Variants in DIAPH2 observed in about 807,000 individuals in gnomAD.
DIAPH2 encodes protein diaphanous homolog 2.
DIAPH2 carries 35 observed loss-of-function variants against 92.7 expected under a neutral mutation model. That is an observed-to-expected ratio of 0.38 (90% CI 0.29 to 0.50). The LOEUF (loss-of-function observed/expected upper bound fraction) is 0.50. Among genes scored for constraint, DIAPH2 ranks in the 20% least tolerant of loss-of-function variants. DIAPH2 has a pLI of 0.94. For synonymous variants in DIAPH2, 301 were observed against 280.4 expected (o/e 1.07, Z -0.73); for missense variants, 701 against 819.5 (o/e 0.86, Z 1.77).
intron 25 of DIAPH2, among the ~76,000 whole-genome samples, chrX:97,391,554 G>C (rs1451498729): frequency 3.6e-5 from 4 of 111,335 alleles, no homozygotes; most frequent in Non-Finnish European, 7.5e-5. Flanking sequence ...AAAGTAGAGA[G>C]TTCCCTGGAT....
chrX:96,749,145 A>ATAT (rs1556122921), intron 3 of DIAPH2, among the ~76,000 whole-genome samples: 2 of 79,825 alleles, frequency 2.5e-5, no homozygotes, highest in African/African-American at 1.0e-4. Flanking sequence ...AAAAAAAAAA[A>ATAT]ATATATATAT....
At chrX:97,481,145 G>T (rs1362812614) in intron 26 of DIAPH2, among the ~76,000 whole-genome samples, 1 of 111,481 alleles carries the variant, frequency 9.0e-6, no homozygotes, top group East Asian at 2.8e-4. Flanking sequence ...TAGTTCTGTT[G>T]ACACTTAGCA....
Position 97,590,099 on chromosome X carries a change from G to A in DIAPH2, c.3242-9154G>A, listed in dbSNP as rs763577014. Among the ~76,000 whole-genome samples the A allele has an allele frequency of 2.7e-5, 3 of 112,328 alleles. No individual in the cohort carries two copies. The East Asian group carries it at 8.3e-4, about 31-fold the overall frequency. On this transcript the variant is annotated intron_variant, in intron 26 of 26. Coordinates refer to ENST00000324765, the MANE Select transcript of DIAPH2 (RefSeq NM_006729.5). ...TGCTAATGGGAAGCACCTGTTTATA[G>A]ACTCTTGCATTGTAAGCTGTAGGTT...
intron 22 of DIAPH2, among the ~76,000 whole-genome samples, chrX:97,159,425 C>CT (rs1237717678): frequency 8.9e-6 from 1 of 112,259 alleles, no homozygotes. Flanking sequence ...TTAAAGAAAA[C>CT]TTTTTTTCAA....
At chrX:96,855,970 C>A (rs2065037104) in intron 4 of DIAPH2, among the ~76,000 whole-genome samples, 2 of 111,632 alleles carry the variant, frequency 1.8e-5, no homozygotes, top group Admixed American at 1.9e-4. Context: ...AGCTGTGTGG[C>A]ACACATTGAT....
intron 23 of DIAPH2, among the ~76,000 whole-genome samples, chrX:97,250,958 A>C (rs1602450522): frequency 9.0e-6 from 1 of 111,598 alleles, no homozygotes; most frequent in Non-Finnish European, 1.9e-5. Context: ...AAACAAAAAC[A>C]AAAAAACCTC....
intron 2 of DIAPH2, among the ~76,000 whole-genome samples, chrX:96,737,091 A>C (rs1423799380): frequency 1.8e-5 from 2 of 112,158 alleles, no homozygotes; most frequent in Non-Finnish European, 3.8e-5. Flanking sequence ...AATGAATCTT[A>C]AGTTAATGTG....
chrX:96,926,401 T>G (rs2065582129), intron 9 of DIAPH2, among the ~76,000 whole-genome samples: 1 of 111,756 alleles, frequency 8.9e-6, no homozygotes, highest in African/African-American at 3.2e-5. Flanking sequence ...TTTAATTATT[T>G]TATTTGGGAC....
chrX:97,088,081 TAAG>T (rs1420861184), intron 19 of DIAPH2, among the ~76,000 whole-genome samples: 7 of 112,043 alleles, frequency 6.2e-5, no homozygotes, highest in Non-Finnish European at 9.4e-5. Flanking sequence ...TTTTCATTCT[TAAG>T]AAGTGATTGC....
rs764148141 is a variant in DIAPH2 at position 97,470,174 on chromosome X, T to C, written c.3241+40429T>C. Among the ~76,000 whole-genome samples the C allele has an allele frequency of 9.0e-5, 10 of 111,328 alleles. No homozygotes were observed. The South Asian group carries it at 3.4e-3, about 38-fold the overall frequency. On this transcript the variant is annotated intron_variant, in intron 26 of 26. Coordinates refer to ENST00000324765, the MANE Select transcript of DIAPH2 (RefSeq NM_006729.5). ...ACAAAAGCCACTAGGGTAGCCATGG[T>C]TTTTTGCCAGTTATTAGCCATATAT...
At chrX:97,387,905 A>G (rs2147736353) in intron 25 of DIAPH2, among the ~76,000 whole-genome samples, 1 of 111,991 alleles carries the variant, frequency 8.9e-6, no homozygotes, top group South Asian at 3.8e-4. Flanking sequence ...CATTTTAAAC[A>G]TGTTTAGTTC....
chrX:97,117,963 GT>G (rs890039770), intron 21 of DIAPH2, among the ~76,000 whole-genome samples: 4 of 105,213 alleles, frequency 3.8e-5, no homozygotes, highest in African/African-American at 1.0e-4. Flanking sequence ...TTTGTTTGTT[GT>G]TTTTTTTTTC....
intron 22 of DIAPH2, among the ~76,000 whole-genome samples, chrX:97,173,180 C>G (rs1210779851): frequency 9.0e-6 from 1 of 111,115 alleles, no homozygotes; most frequent in African/African-American, 3.3e-5. Context: ...GTGGGCGGAT[C>G]ATTTGAGTTC....
intron 26 of DIAPH2, among the ~76,000 whole-genome samples, chrX:97,537,389 G>A (rs2147854399): frequency 8.9e-6 from 1 of 111,912 alleles, no homozygotes; most frequent in South Asian, 3.8e-4. Flanking sequence ...TGATAGACGG[G>A]AAGAGACAGA....
chrX:96,854,608 TA>T (rs1306625068), intron 4 of DIAPH2, among the ~76,000 whole-genome samples: 5 of 60,622 alleles, frequency 8.2e-5, no homozygotes, highest in African/African-American at 3.5e-4. Flanking sequence ...CATATATATA[TA>T]TATATATATA....
intron 25 of DIAPH2, among the ~76,000 whole-genome samples, chrX:97,392,538 G>A (rs947135941): frequency 9.0e-6 from 1 of 111,721 alleles, no homozygotes; most frequent in African/African-American, 3.3e-5. Flanking sequence ...GCTAAATACA[G>A]CCTCTGAACA....
chrX:96,923,457 A>G (rs2065559781), intron 9 of DIAPH2, among the ~76,000 whole-genome samples: 2 of 112,328 alleles, frequency 1.8e-5, no homozygotes, highest in Non-Finnish European at 3.8e-5. Flanking sequence ...ATTAAATAAA[A>G]CAATCTGAGC....
intron 23 of DIAPH2, among the ~76,000 whole-genome samples, chrX:97,259,956 A>G (rs916340607): frequency 9.0e-6 from 1 of 111,645 alleles, no homozygotes; most frequent in African/African-American, 3.3e-5. Flanking sequence ...TCAGCCTCCC[A>G]GATAGCTGGA....
chrX:97,549,310 A>G (rs2071203224), intron 26 of DIAPH2, among the ~76,000 whole-genome samples: 1 of 111,664 alleles, frequency 9.0e-6, no homozygotes, highest in Non-Finnish European at 1.9e-5. Context: ...ATGTGCATAA[A>G]CACATTCAAA....
Sources: gnomAD v4.1 joint callset for allele counts (sites outside exome capture counted in the v4.1 genomes callset) on GRCh38, gnomAD v4.1.1 for gene constraint, MANE v1.5 for transcripts, NCBI Gene and HGNC (gene_info 2026-07-23, HGNC 2026-07-21) for gene names.